Variants in CUL3 observed in about 807,000 individuals in gnomAD.
CUL3 encodes cullin-3.
CUL3 carries 19 observed loss-of-function variants against 89.1 expected under a neutral mutation model. The ratio of observed to expected loss-of-function variants is 0.21; its 90% CI spans 0.15 to 0.31. The LOEUF is 0.31. Ranked by LOEUF, CUL3 falls within the 10% of genes least tolerant of loss-of-function variation. The pLI, the probability that CUL3 is intolerant of heterozygous loss-of-function variation, is 1.00. For missense variants in CUL3, 469 were observed against 942.3 expected, an observed-to-expected ratio of 0.50 and a Z score of 6.58; for synonymous variants, 351 against 308.4, an observed-to-expected ratio of 1.14 and a Z score of -1.45.
intron 15 of CUL3, among the ~76,000 whole-genome samples, chr2:224,476,634 C>A (rs1375099553): frequency 2.0e-5 from 3 of 152,196 alleles, no homozygotes; most frequent in African/African-American, 7.2e-5. Context: ...CATACCCCTG[C>A]ACCCTGCCCT....
At chr2:224,556,112 C>A (rs1694701655) in intron 2 of CUL3, among the ~76,000 whole-genome samples, 1 of 152,016 alleles carries the variant, frequency 6.6e-6, no homozygotes, top group Non-Finnish European at 1.5e-5. Flanking sequence ...AAAGAAATTA[C>A]AGAAGAAAGA....
Position 224,486,153 on chromosome 2 carries a change from G to C in CUL3, c.1843-4075C>G, listed in dbSNP as rs138157511. ...AAGGTAGATAAATCCATGAAGATGA[G>C]GAAAACCCAGTGCAAAAAAGATGAA... On this transcript the variant is annotated intron_variant, in intron 13 of 15. Transcript: ENST00000264414. Among the ~76,000 whole-genome samples, 130 of 152,318 alleles carry C rather than the reference G, an allele frequency of 8.5e-4. 1 individual carries two copies. The East Asian group carries it at 0.021, about 24-fold the overall frequency.
At chr2:224,496,658 A>G (rs758584298) in intron 12 of CUL3, among the ~76,000 whole-genome samples, 3 of 151,950 alleles carry the variant, frequency 2.0e-5, no homozygotes, top group Non-Finnish European at 4.4e-5. Context: ...TTTCTGTGTG[A>G]TGTGATCACA....
At chr2:224,554,276 G>A (rs1479042494) in intron 2 of CUL3, among the ~76,000 whole-genome samples, 3 of 152,076 alleles carry the variant, frequency 2.0e-5, no homozygotes, top group South Asian at 2.1e-4. Context: ...TCTTCGTCTC[G>A]TTTTCAGAAG....
In CUL3 at chr2:224,557,806, A is replaced by G; in HGVS notation, c.117T>C (p.Asn39=). ...YVNSIWDLLK[N]AIQEIQRKNN... ...TCTTACGCTGGATTTCTTGAATTGC[A>G]TTTTTCAGAAGGTCCCAAATGCTGT... is the stretch of plus-strand genomic sequence containing the variant. The change falls in exon 2 of 16, where the codon AAT becomes AAC. Residue 39 remains asparagine, a synonymous_variant. Coordinates refer to ENST00000264414, the MANE Select transcript of CUL3 (RefSeq NM_003590.5). 1.4e-6 allele frequency: 2 copies of G among 1,453,472 alleles called. No individual in the cohort carries two copies. The highest frequency in any genetic ancestry group is 1.8e-6 in the Non-Finnish European group (2 of 1,091,456). The allele number at this position is 1,453,472 out of a possible 1,614,324, so 90.0% of individuals were successfully genotyped here.
intron 8 of CUL3, among the ~76,000 whole-genome samples, chr2:224,505,410 T>G (rs752811835): frequency 2.0e-5 from 3 of 152,146 alleles, no homozygotes; most frequent in Non-Finnish European, 4.4e-5. Flanking sequence ...GTGCTGAGAT[T>G]ACAGGCATGA....
rs1380314066 is a variant in CUL3, at chr2:224,485,564, C to T, written c.1843-3486G>A. ...GTGGCCAAACTGCCTCTCTAGATTC[C>T]TCTTGACTGGGCAGGGCATCTCGGA... On this transcript the variant is annotated intron_variant, in intron 13 of 15. Coordinates refer to ENST00000264414, the MANE Select transcript of CUL3 (RefSeq NM_003590.5). This position sits in a 1 kb window ranked among gnomAD's most constrained non-coding sequence, Gnocchi z 4.1. 6.6e-6 allele frequency among the ~76,000 whole-genome samples: 1 copy of T among 152,188 alleles called. No homozygotes were observed. The highest frequency in any genetic ancestry group is 6.5e-5 in the Admixed American group (1 of 15,278).
At position 224,507,948 on chromosome 2, in the gene CUL3, T is replaced by C. The variant is rs181722370; in HGVS notation, c.884-945A>G. On this transcript the variant is annotated intron_variant, in intron 6 of 15. Coordinates refer to ENST00000264414, the MANE Select transcript of CUL3 (RefSeq NM_003590.5). ...TTTCTGTAAAGTATCAGATAATAAATATTTTAAAATGTGAGCCATAGAGCT... is the reference window on the plus strand; with the variant it reads ...TTTCTGTAAAGTATCAGATAATAAACATTTTAAAATGTGAGCCATAGAGCT... Among the ~76,000 whole-genome samples, 146 of 152,260 alleles carry C rather than the reference T, an allele frequency of 9.6e-4. 1 individual carries two copies. Among genetic ancestry groups the C allele is most frequent in the South Asian group, 2.9e-3 (14 of 4,826 alleles).
At chr2:224,564,379 G>C (rs1019073502) in intron 1 of CUL3, among the ~76,000 whole-genome samples, 1 of 152,224 alleles carries the variant, frequency 6.6e-6, no homozygotes, top group Non-Finnish European at 1.5e-5. Flanking sequence ...AACTACAGAA[G>C]TATGGCCACT....
At chr2:224,531,842 T>C (rs1326937628) in intron 3 of CUL3, among the ~76,000 whole-genome samples, 2 of 152,186 alleles carry the variant, frequency 1.3e-5, no homozygotes. Flanking sequence ...ATGATCAGAT[T>C]TGGCTTTAAA....
At chr2:224,555,954 T>A (rs1694694833) in intron 2 of CUL3, among the ~76,000 whole-genome samples, 1 of 152,112 alleles carries the variant, frequency 6.6e-6, no homozygotes, top group Admixed American at 6.6e-5. Context: ...CAGGAAAGGA[T>A]AGTATCTTAT....
chr2:224,521,617 G>A (rs1432371638), intron 3 of CUL3, among the ~76,000 whole-genome samples: 1 of 151,892 alleles, frequency 6.6e-6, no homozygotes, highest in African/African-American at 2.4e-5. Context: ...TTTCAGTAGA[G>A]TTGGGGTTTC....
intron 1 of CUL3, among the ~76,000 whole-genome samples, chr2:224,580,674 ACT>A (rs1019747733): frequency 1.3e-5 from 2 of 151,886 alleles, no homozygotes; most frequent in Non-Finnish European, 2.9e-5. Context: ...ACAGAGCAAG[ACT>A]CTGTCTCAAA....
At chr2:224,500,102 T>C in intron 11 of CUL3, 1 of 316,536 alleles carries the variant, frequency 3.2e-6, no homozygotes, top group Non-Finnish European at 6.0e-6. Flanking sequence ...TTTTTCCATT[T>C]TTACTGCTGC....
At chr2:224,499,833 C>T in intron 11 of CUL3, 1 of 203,014 alleles carries the variant, frequency 4.9e-6, no homozygotes. Context: ...ACAAAGCAGT[C>T]TCCACACTGG....
intron 3 of CUL3, among the ~76,000 whole-genome samples, chr2:224,534,252 T>C (rs995355154): frequency 2.6e-5 from 4 of 152,170 alleles, no homozygotes; most frequent in Non-Finnish European, 5.9e-5. Context: ...AAAGTCAGTG[T>C]TTTCCAAATG....
rs1431937061 is a variant in CUL3, at chr2:224,472,726, T to C, written c.*1519A>G. The C allele has an allele frequency of 5.1e-6, 1 of 195,552 alleles. No individual in the cohort carries two copies. The highest frequency in any genetic ancestry group is 1.1e-5 in the Non-Finnish European group (1 of 93,840). The allele number at this position is 195,552 out of a possible 1,614,324, so 12.1% of individuals were successfully genotyped here. Reference sequence around the variant, plus strand: ...CATATTTGCAAGTCTAAAAGGAAAATTATAACCCAAGACGCATGGGGAAAA... The same window carrying C: ...CATATTTGCAAGTCTAAAAGGAAAACTATAACCCAAGACGCATGGGGAAAA... On this transcript the variant is annotated 3_prime_UTR_variant, in exon 16 of 16. Coordinates refer to ENST00000264414, the MANE Select transcript of CUL3 (RefSeq NM_003590.5).
rs768039549 is a variant in CUL3 at position 224,509,657 on chromosome 2, C to G, written c.883+1697G>C. The stretch of plus-strand genomic sequence containing the variant: ...TCACGTAAGTGCTCGCCATGATAGG[C>G]ATACCTGACACCTTTTACATACATC... On this transcript the variant is annotated intron_variant, in intron 6 of 15. Coordinates refer to ENST00000264414, the MANE Select transcript of CUL3 (RefSeq NM_003590.5). 4.0e-4 allele frequency among the ~76,000 whole-genome samples: 61 copies of G among 152,366 alleles called. 1 individual carries two copies. Among genetic ancestry groups the G allele is most frequent in the South Asian group, 2.7e-3 (13 of 4,828 alleles).
chr2:224,565,683 T>A (rs956844049), intron 1 of CUL3, among the ~76,000 whole-genome samples: 5 of 152,210 alleles, frequency 3.3e-5, no homozygotes. Flanking sequence ...ATCTTCCTCA[T>A]CATCTGTCAC....
Sources: allele counts gnomAD v4.1 joint callset (sites outside exome capture counted in the v4.1 genomes callset), GRCh38; gene constraint gnomAD v4.1.1; non-coding constraint Gnocchi (gnomAD v3.1); transcripts MANE v1.5; gene names NCBI Gene and HGNC (gene_info 2026-07-23, HGNC 2026-07-21).